The following ZMYM4 variants were observed in gnomAD, a reference collection of about 807,000 sequenced individuals.
ZMYM4 encodes the protein zinc finger MYM-type containing 4.
In ZMYM4, 31 loss-of-function variants were observed where a neutral mutation model predicts 183.2. That is an observed-to-expected ratio of 0.17 (90% CI 0.13 to 0.23). The LOEUF is 0.23. Among genes scored for constraint, ZMYM4 ranks in the 10% least tolerant of loss-of-function variants. The probability of loss-of-function intolerance (pLI) is 1.00; values close to 1 mark genes in which losing one functional copy is unlikely to be tolerated. For missense variants in ZMYM4, 1,273 were observed against 1,840.3 expected (o/e 0.69, Z 5.64); for synonymous variants, 592 against 631.2 (o/e 0.94, Z 0.93).
chr1:35,357,097 C>T (rs1463511415), intron 2 of ZMYM4, among the ~76,000 whole-genome samples: 1 of 152,088 alleles, frequency 6.6e-6, no homozygotes, highest in Non-Finnish European at 1.5e-5. Context: ...GCTATGTTGC[C>T]CAGGCTGGTC....
intron 2 of ZMYM4, among the ~76,000 whole-genome samples, chr1:35,354,902 A>T (rs1203828146): frequency 6.6e-6 from 1 of 152,004 alleles, no homozygotes; most frequent in African/African-American, 2.4e-5. Context: ...TAAGGGCCAG[A>T]TGGTAAATAT....
At chr1:35,304,657 T>C (rs1239602644) in intron 1 of ZMYM4, among the ~76,000 whole-genome samples, 1 of 150,754 alleles carries the variant, frequency 6.6e-6, no homozygotes, top group African/African-American at 2.4e-5. Flanking sequence ...TTTTTAGATA[T>C]GGGGTTTCAC....
intron 7 of ZMYM4, among the ~76,000 whole-genome samples, chr1:35,374,578 T>C (rs889927857): frequency 1.3e-5 from 2 of 151,818 alleles, no homozygotes; most frequent in African/African-American, 4.8e-5. Context: ...GGTGGGAGGA[T>C]TGCTTGAGCT....
intron 1 of ZMYM4, among the ~76,000 whole-genome samples, chr1:35,289,146 A>G (rs1328596405): frequency 6.6e-6 from 1 of 152,248 alleles, no homozygotes; most frequent in Non-Finnish European, 1.5e-5. Flanking sequence ...TAGTGATTGC[A>G]GTAGGAAGAA....
At chr1:35,382,221 TAC>T (rs1395892221) in intron 9 of ZMYM4, among the ~76,000 whole-genome samples, 2 of 150,152 alleles carry the variant, frequency 1.3e-5, no homozygotes, top group Non-Finnish European at 3.0e-5. Context: ...CACGTATATA[TAC>T]GTATATATGT....
Position 35,381,257 on chromosome 1 carries a change from A to T in ZMYM4, c.1182-2A>T, listed in dbSNP as rs1401871363. On this transcript the variant is annotated splice_acceptor_variant, in intron 7 of 29. Transcript: ENST00000314607. LOFTEE classifies it high-confidence loss of function. The stretch of plus-strand genomic sequence containing the variant: ...CTTATGTTATTTTTTTCTTATTTTT[A>T]GAGACATTTTAAATCCAAAGGATGT... 1 of 1,568,568 alleles carries T rather than the reference A, an allele frequency of 6.4e-7. No homozygotes were observed. The highest frequency in any genetic ancestry group is 8.6e-7 in the Non-Finnish European group (1 of 1,160,232).
chr1:35,381,228 A>T, intron 7 of ZMYM4, 31 bp from the exon 8 acceptor site: 1 of 1,523,246 alleles, frequency 6.6e-7, no homozygotes, highest in Non-Finnish European at 8.9e-7. Context: ...GAATTATACC[A>T]TGGCTTATGT....
intron 23 of ZMYM4, among the ~76,000 whole-genome samples, chr1:35,401,859 A>T (rs956606548): frequency 1.3e-5 from 2 of 152,190 alleles, no homozygotes; most frequent in African/African-American, 4.8e-5. Flanking sequence ...CTTGAAAAAG[A>T]CTATTCATTC....
Position 35,421,491 on chromosome 1 carries a change from T to C in ZMYM4, c.*1814T>C, listed in dbSNP as rs1217184823. On this transcript the variant is annotated 3_prime_UTR_variant, in exon 30 of 30. Coordinates refer to ENST00000314607, the MANE Select transcript of ZMYM4 (RefSeq NM_005095.3). Reference sequence around the variant, plus strand: ...CCCACTATACGAATTTTATGGTTTGTATAAACACTAACATTTTCCCCTTCT... The same window carrying C: ...CCCACTATACGAATTTTATGGTTTGCATAAACACTAACATTTTCCCCTTCT... 1.3e-5 allele frequency: 2 copies of C among 152,612 alleles called. No individual in the cohort carries two copies. Among genetic ancestry groups the C allele is most frequent in the African/African-American group, 4.8e-5 (2 of 41,442 alleles). The allele number at this position is 152,612 out of a possible 1,614,324, so 9.5% of individuals were successfully genotyped here.
At chr1:35,305,907 G>A (rs553716369) in intron 1 of ZMYM4, among the ~76,000 whole-genome samples, 1 of 152,052 alleles carries the variant, frequency 6.6e-6, no homozygotes, top group South Asian at 2.1e-4. Context: ...ATAATATCAG[G>A]GTTTTTTTAT....
chr1:35,389,753 TCAA>T lies in ZMYM4; in HGVS notation c.2437-194_2437-192del, dbSNP rs1644660270. Among the ~76,000 whole-genome samples, 1 of 130,188 alleles carries T rather than the reference TCAA, an allele frequency of 7.7e-6. No homozygotes were observed. The highest frequency in any genetic ancestry group is 3.5e-5 in the African/African-American group (1 of 28,898). The allele number at this position is 130,188 out of a possible 152,430, so 85.4% of individuals were successfully genotyped here. ...CTGGGCGATAGAGCAAGGCTCTGTC[TCAA>T]AAAAAAAAAAAAATATATATATATA... is the stretch of plus-strand genomic sequence containing the variant. On this transcript the variant is annotated intron_variant, in intron 14 of 29. Transcript: ENST00000314607. The surrounding 1 kb of genome is among the most constrained non-coding windows in gnomAD (Gnocchi z 4.0).
intron 7 of ZMYM4, among the ~76,000 whole-genome samples, chr1:35,373,889 TA>T (rs1644274329): frequency 6.6e-6 from 1 of 152,048 alleles, no homozygotes; most frequent in Admixed American, 6.6e-5. Context: ...AGTTATAACT[TA>T]TGTAGTAAAA....
At chr1:35,346,286 T>A (rs927354249) in intron 2 of ZMYM4, among the ~76,000 whole-genome samples, 1 of 152,172 alleles carries the variant, frequency 6.6e-6, no homozygotes, top group South Asian at 2.1e-4. Flanking sequence ...GGAAGTGGAA[T>A]GTTTTATGAT....
chr1:35,413,873 G>A, intron 26 of ZMYM4, 99 bp from the exon 27 acceptor site: 1 of 681,438 alleles, frequency 1.5e-6, no homozygotes, highest in Non-Finnish European at 2.4e-6. Flanking sequence ...ATATTGTAAG[G>A]GCAAAAATTA....
intron 27 of ZMYM4, among the ~76,000 whole-genome samples, chr1:35,414,457 T>C (rs1337954971): frequency 6.6e-6 from 1 of 152,246 alleles, no homozygotes; most frequent in Non-Finnish European, 1.5e-5. Context: ...CGTCCTTGAA[T>C]TATCTTTGAC....
Position 35,405,400 on chromosome 1 carries a change from G to A in ZMYM4, c.3728G>A (p.Arg1243His), listed in dbSNP as rs1488936102. 3 of 1,613,348 alleles carry A rather than the reference G, an allele frequency of 1.9e-6. No homozygotes were observed. Among genetic ancestry groups the A allele is most frequent in the Non-Finnish European group, 1.7e-6 (2 of 1,179,822 alleles). The part of the protein sequence containing the change: ...GGVEQASSSP[R>H]SDPLGSTQDH... ...GTTGAACAGGCCTCATCTAGCCCAC[G>A]TTCTGACCCCTTAGGAAGTACTCAA... Residue 1243 changes from arginine to histidine, a missense_variant, in exon 25 of 30, where the codon CGT becomes CAT. Arg to His is a conservative substitution (Grantham distance 29, BLOSUM62 0). Around this residue, in one of 6 missense-constraint regions of ZMYM4, gnomAD observed 133 missense variants for 155.7 expected, o/e 0.85. Coordinates refer to ENST00000314607, the MANE Select transcript of ZMYM4 (RefSeq NM_005095.3).
intron 28 of ZMYM4, among the ~76,000 whole-genome samples, chr1:35,416,771 G>T (rs963573971): frequency 4.6e-5 from 7 of 152,016 alleles, no homozygotes; most frequent in Admixed American, 2.0e-4. Context: ...ACCATATTGG[G>T]CAAGCTGGTC....
In ZMYM4 at chr1:35,342,668, T is replaced by TTTGTTGTTGTTG. The variant is rs368242666; in HGVS notation, c.86-16247_86-16236dup. Reference sequence around the variant, plus strand: ...TTTTTATGAAGTTGTAAGGATCCTTTTTGTTGTTGTTGTTGTTGTTGAGAC... The same window carrying TTTGTTGTTGTTG: ...TTTTTATGAAGTTGTAAGGATCCTTTTTGTTGTTGTTGTTGTTGTTGTTGTTGTTGTTGAGAC... On this transcript the variant is annotated intron_variant, in intron 2 of 29. Transcript: ENST00000314607. Among the ~76,000 whole-genome samples, 13 of 151,784 alleles carry TTTGTTGTTGTTG rather than the reference T, an allele frequency of 8.6e-5. 2 individuals carry two copies. The highest frequency in any genetic ancestry group is 2.7e-4 in the African/African-American group (11 of 41,340).
intron 1 of ZMYM4, among the ~76,000 whole-genome samples, chr1:35,280,698 A>G (rs189008496): frequency 1.3e-5 from 2 of 152,222 alleles, no homozygotes; most frequent in Admixed American, 6.5e-5. Flanking sequence ...GATTTGTGGT[A>G]GATTACTCCA....
Sources: gnomAD v4.1 joint callset for allele counts (sites outside exome capture counted in the v4.1 genomes callset) on GRCh38, gnomAD v4.1.1 for gene constraint, gnomAD v4.1.1 regional missense constraint, Gnocchi (gnomAD v3.1) non-coding constraint, MANE v1.5 for transcripts, NCBI Gene and HGNC (gene_info 2026-07-23, HGNC 2026-07-21) for gene names.